Variants in KCMF1 observed in about 807,000 individuals in gnomAD.
KCMF1 encodes potassium channel modulatory factor 1.
In KCMF1, 3 loss-of-function variants were observed where a neutral mutation model predicts 41.1. The ratio of observed to expected loss-of-function variants is 0.07; its 90% CI spans 0.03 to 0.19. The LOEUF is 0.19. Among genes scored for constraint, KCMF1 ranks in the 10% least tolerant of loss-of-function variants. The pLI, the probability that KCMF1 is intolerant of heterozygous loss-of-function variation, is 1.00. For missense variants in KCMF1, 286 were observed against 488.9 expected, an observed-to-expected ratio of 0.58 and a Z score of 3.91; for synonymous variants, 142 against 164.5, an observed-to-expected ratio of 0.86 and a Z score of 1.04.
chr2:84,982,025 C>T (rs889460141), intron 1 of KCMF1, among the ~76,000 whole-genome samples: 2 of 152,082 alleles, frequency 1.3e-5, no homozygotes, highest in Admixed American at 1.3e-4. Context: ...TCAGTTGGTC[C>T]GCCTGCCTCT....
chr2:84,974,685 ATATATATTTTTTTTTT>A (rs1673496479), intron 1 of KCMF1, among the ~76,000 whole-genome samples: 9 of 37,950 alleles, frequency 2.4e-4, no homozygotes, highest in South Asian at 2.9e-3. Flanking sequence ...ATATATATAT[ATATATATTTTTTTTTT>A]TTTTTTTTTT....
At position 85,056,717 on chromosome 2, in the gene KCMF1, T is replaced by TA; in HGVS notation, c.*3309dup. On this transcript the variant is annotated 3_prime_UTR_variant, in exon 7 of 7. Transcript: ENST00000409785. ...AGTGGGGTCTGATATGGCTTACTGATACAGGCATGTGTAAAAAACTAAGTG... is the reference window on the plus strand; with the variant it reads ...AGTGGGGTCTGATATGGCTTACTGATAACAGGCATGTGTAAAAAACTAAGTG... 1 of 152,316 alleles carries TA rather than the reference T, an allele frequency of 6.6e-6. No homozygotes were observed. The highest frequency in any genetic ancestry group is 2.4e-5 in the African/African-American group (1 of 41,560). The allele number at this position is 152,316 out of a possible 1,614,324, so 9.4% of individuals were successfully genotyped here.
chr2:85,008,328 A>AATATGATATATAATATATATC lies in KCMF1; in HGVS notation c.17-19557_17-19556insGATATATAATATATATCATAT, dbSNP rs2103999512. On this transcript the variant is annotated intron_variant, in intron 1 of 6. Coordinates refer to ENST00000409785, the MANE Select transcript of KCMF1 (RefSeq NM_020122.5). ...ATAATATGATATATATATCATATAT[A>AATATGATATATAATATATATC]ATATATAATATGATATATAATATAT... 2.1e-5 allele frequency among the ~76,000 whole-genome samples: 2 copies of AATATGATATATAATATATATC among 94,370 alleles called. 1 individual carries two copies. The highest frequency in any genetic ancestry group is 8.3e-5 in the African/African-American group (2 of 24,084). 61.9% of individuals were successfully genotyped at this position (94,370 alleles called of 152,430 possible).
At chr2:85,004,591 G>A (rs1317308799) in intron 1 of KCMF1, among the ~76,000 whole-genome samples, 1 of 152,066 alleles carries the variant, frequency 6.6e-6, no homozygotes, top group Non-Finnish European at 1.5e-5. Context: ...CCTGTGGGTG[G>A]TGCCTAAGCT....
chr2:84,978,868 A>G (rs1468737981), intron 1 of KCMF1, among the ~76,000 whole-genome samples: 1 of 152,058 alleles, frequency 6.6e-6, no homozygotes, highest in African/African-American at 2.4e-5. Flanking sequence ...GGCATGCGCC[A>G]CCATGTCTGG....
At chr2:85,032,045 T>G (rs1365971029) in intron 2 of KCMF1, among the ~76,000 whole-genome samples, 2 of 152,178 alleles carry the variant, frequency 1.3e-5, no homozygotes, top group African/African-American at 4.8e-5. Flanking sequence ...TTTTTTAAAT[T>G]TTATTTTTGA....
intron 1 of KCMF1, among the ~76,000 whole-genome samples, chr2:85,012,115 A>G (rs1207078532): frequency 1.3e-5 from 2 of 152,216 alleles, no homozygotes; most frequent in Non-Finnish European, 2.9e-5. Flanking sequence ...TGGGCCTGTG[A>G]TGGTCCTGTA....
chr2:84,984,983 C>T (rs1482578985), intron 1 of KCMF1, among the ~76,000 whole-genome samples: 1 of 151,976 alleles, frequency 6.6e-6, no homozygotes, highest in African/African-American at 2.4e-5. Context: ...CCATGGCCGG[C>T]CAGAGTATGG....
At chr2:85,000,274 C>T (rs557396058) in intron 1 of KCMF1, among the ~76,000 whole-genome samples, 18 of 152,086 alleles carry the variant, frequency 1.2e-4, no homozygotes, top group African/African-American at 4.1e-4. Flanking sequence ...TACAGGTGCC[C>T]GCTACCATGC....
intron 1 of KCMF1, among the ~76,000 whole-genome samples, chr2:84,998,914 TTACC>T (rs199804057): frequency 0.15 from 22,118 of 144,900 alleles, 2,391 homozygotes; most frequent in East Asian, 0.38. Context: ...GCTGGGCCTC[TTACC>T]TATCTATCTA....
intron 1 of KCMF1, among the ~76,000 whole-genome samples, chr2:85,013,700 A>T (rs1235363574): frequency 6.6e-6 from 1 of 151,948 alleles, no homozygotes; most frequent in Non-Finnish European, 1.5e-5. Context: ...CGGGAGGCTG[A>T]GGTAGGAGAA....
intron 2 of KCMF1, 147 bp from the exon 3 acceptor site, chr2:85,034,868 CA>C: frequency 1.7e-6 from 1 of 597,182 alleles, no homozygotes; most frequent in African/African-American, 1.9e-5. Context: ...GTGATCCACC[CA>C]CCTTGTCCTC....
chr2:85,021,741 T>G (rs1178958795), intron 1 of KCMF1, among the ~76,000 whole-genome samples: 1 of 152,192 alleles, frequency 6.6e-6, no homozygotes, highest in East Asian at 1.9e-4. Flanking sequence ...GAAGAGAAAT[T>G]GAGCAGAGAA....
chr2:84,999,387 G>A (rs948961167), intron 1 of KCMF1, among the ~76,000 whole-genome samples: 12 of 152,074 alleles, frequency 7.9e-5, no homozygotes, highest in Non-Finnish European at 1.2e-4. Flanking sequence ...TCCTGAATTC[G>A]TGATCTGCCT....
At chr2:84,982,306 A>G (rs1337463669) in intron 1 of KCMF1, among the ~76,000 whole-genome samples, 1 of 150,238 alleles carries the variant, frequency 6.7e-6, no homozygotes, top group East Asian at 1.9e-4. Flanking sequence ...TAAGCAGAGA[A>G]GTTTTCTAAA....
intron 1 of KCMF1, among the ~76,000 whole-genome samples, chr2:84,979,545 TA>T (rs1486357036): frequency 6.6e-6 from 1 of 151,832 alleles, no homozygotes; most frequent in Non-Finnish European, 1.5e-5. Context: ...AAAATCACTT[TA>T]TAAATATAGC....
At chr2:85,004,526 A>AT (rs1165397817) in intron 1 of KCMF1, among the ~76,000 whole-genome samples, 6 of 151,934 alleles carry the variant, frequency 3.9e-5, no homozygotes, top group Non-Finnish European at 8.8e-5. Flanking sequence ...AAAAATAATA[A>AT]TAAAAAAAAA....
chr2:85,003,470 T>C (rs981479885), intron 1 of KCMF1, among the ~76,000 whole-genome samples: 1 of 151,268 alleles, frequency 6.6e-6, no homozygotes, highest in Non-Finnish European at 1.5e-5. Flanking sequence ...AGAGTGAGAC[T>C]CCGTCTCAAA....
chr2:85,018,267 A>AT (rs373718008), intron 1 of KCMF1, among the ~76,000 whole-genome samples: 11,091 of 126,836 alleles, frequency 0.087, 1,050 homozygotes, highest in East Asian at 0.38. Flanking sequence ...ACTAAGCTAG[A>AT]TTTTTTTTTT....
Sources: allele counts gnomAD v4.1 joint callset (sites outside exome capture counted in the v4.1 genomes callset), GRCh38; gene constraint gnomAD v4.1.1; transcripts MANE v1.5; gene names NCBI Gene and HGNC (gene_info 2026-07-23, HGNC 2026-07-21).